EBAG9: variants seen among roughly 807,000 people sequenced by gnomAD.
EBAG9 encodes receptor-binding cancer antigen expressed on SiSo cells.
In EBAG9, 16 loss-of-function variants were observed where a neutral mutation model predicts 30.9. The observed-to-expected ratio is 0.52, with a 90% confidence interval of 0.35 to 0.79. The LOEUF (loss-of-function observed/expected upper bound fraction) is 0.79, where lower values mean the gene tolerates loss of function less well. Ranked by LOEUF, EBAG9 falls within the 30% of genes least tolerant of loss-of-function variation. EBAG9 has a pLI of 0.01. For synonymous variants in EBAG9, 93 were observed against 82.8 expected (o/e 1.12, Z -0.67); for missense variants, 197 against 242.1 (o/e 0.81, Z 1.24).
rs192416007 is a variant in EBAG9, at chr8:109,542,586, A to G, written c.-16+2125A>G. Among the ~76,000 whole-genome samples, 53 of 152,032 alleles carry G rather than the reference A, an allele frequency of 3.5e-4. 1 individual carries two copies. The highest frequency in any genetic ancestry group is 3.1e-3 in the Admixed American group (48 of 15,278). On this transcript the variant is annotated intron_variant, in intron 1 of 6. Transcript: ENST00000337573. ...GTCTCTTTTCTGGCTCTTTTTTCTTATAATTTTTCAGAAAATTTAGGCTAA... is the reference window on the plus strand; with the variant it reads ...GTCTCTTTTCTGGCTCTTTTTTCTTGTAATTTTTCAGAAAATTTAGGCTAA...
intron 2 of EBAG9, 28 bp from the exon 3 acceptor site, chr8:109,553,837 G>A (rs1821542102): frequency 1.9e-6 from 3 of 1,581,252 alleles, no homozygotes; most frequent in Non-Finnish European, 1.7e-6. Context: ...GGTGGTTCTT[G>A]AAATAAATTA....
chr8:109,564,641 T>C lies in EBAG9; in HGVS notation c.*82T>C, dbSNP rs1222179807. 3.8e-6 allele frequency: 6 copies of C among 1,563,284 alleles called. No individual in the cohort carries two copies. Among genetic ancestry groups the C allele is most frequent in the East Asian group, 4.5e-5 (2 of 44,162 alleles). On this transcript the variant is annotated 3_prime_UTR_variant, in exon 7 of 7. Coordinates refer to ENST00000337573, the MANE Select transcript of EBAG9 (RefSeq NM_004215.5). ...AACATTTGTATGGATTTAAGAGTAT[T>C]TTAAGAAGACATACTGCTTGATTTT...
intron 1 of EBAG9, among the ~76,000 whole-genome samples, chr8:109,541,340 A>G (rs984263434): frequency 1.3e-5 from 2 of 152,232 alleles, no homozygotes; most frequent in Non-Finnish European, 2.9e-5. Context: ...GGCAATGTGC[A>G]CACAATTAAA....
At chr8:109,545,703 ATGGCTG>A (rs1821371369) in intron 1 of EBAG9, among the ~76,000 whole-genome samples, 1 of 152,106 alleles carries the variant, frequency 6.6e-6, no homozygotes, top group Non-Finnish European at 1.5e-5. Context: ...TATCATTGCT[ATGGCTG>A]TAGTTTTCAA....
chr8:109,540,039 G>C (rs1339616023), upstream of EBAG9: 2 of 152,754 alleles, frequency 1.3e-5, no homozygotes, highest in East Asian at 3.8e-4. Flanking sequence ...CCGCCTAGCC[G>C]CGCACTTCCC....
At chr8:109,541,231 G>A (rs900721146) in intron 1 of EBAG9, among the ~76,000 whole-genome samples, 1 of 152,082 alleles carries the variant, frequency 6.6e-6, no homozygotes, top group African/African-American at 2.4e-5. Context: ...TATTAACATT[G>A]TTCCGTTCTA....
chr8:109,545,801 T>C (rs1018786910), intron 1 of EBAG9, among the ~76,000 whole-genome samples: 1 of 152,230 alleles, frequency 6.6e-6, no homozygotes. Flanking sequence ...ATTTAAGGAC[T>C]GAGACACTAC....
intron 6 of EBAG9, chr8:109,563,508 G>T (rs754665252): frequency 1.3e-6 from 2 of 1,596,918 alleles, no homozygotes; most frequent in Admixed American, 1.7e-5. Flanking sequence ...GTCTGGGTCA[G>T]TGGAGTTACG....
At chr8:109,555,725 CT>C (rs1248458610) in intron 4 of EBAG9, among the ~76,000 whole-genome samples, 1 of 152,104 alleles carries the variant, frequency 6.6e-6, no homozygotes, top group Non-Finnish European at 1.5e-5. Context: ...TATTTAATCC[CT>C]TTTGAATTGA....
chr8:109,560,190 G>C (rs1176176959), intron 5 of EBAG9, among the ~76,000 whole-genome samples: 1 of 152,174 alleles, frequency 6.6e-6, no homozygotes, highest in Non-Finnish European at 1.5e-5. Context: ...TGAACTTTTA[G>C]AGGTCTGGCT....
chr8:109,562,933 T>C lies in EBAG9; in HGVS notation c.522-1506T>C, dbSNP rs1225092956. ...TTTTGTATTTGGGATGCTCAGCCCTTATATTATTTCAGCTAGTAACCAGGT... is the reference window on the plus strand; with the variant it reads ...TTTTGTATTTGGGATGCTCAGCCCTCATATTATTTCAGCTAGTAACCAGGT... On this transcript the variant is annotated intron_variant, in intron 6 of 6. Coordinates refer to ENST00000337573, the MANE Select transcript of EBAG9 (RefSeq NM_004215.5). Among the ~76,000 whole-genome samples the C allele has an allele frequency of 3.9e-5, 6 of 152,044 alleles. No individual in the cohort carries two copies. The East Asian group carries it at 1.2e-3, about 29-fold the overall frequency.
intron 6 of EBAG9, 84 bp downstream of exon 6, chr8:109,561,013 T>TCAGACTACAA: frequency 8.7e-7 from 1 of 1,148,222 alleles, no homozygotes; most frequent in South Asian, 1.5e-5. Flanking sequence ...GGAGCCTATT[T>TCAGACTACAA]TGCCAAATAT....
chr8:109,563,857 C>G (rs554906300), intron 6 of EBAG9, among the ~76,000 whole-genome samples: 1 of 152,158 alleles, frequency 6.6e-6, no homozygotes, highest in South Asian at 2.1e-4. Context: ...TGATTAAATA[C>G]CCACCACTCT....
chr8:109,556,850 A>G, intron 4 of EBAG9, 85 bp from the exon 5 acceptor site: 1 of 582,252 alleles, frequency 1.7e-6, no homozygotes. Flanking sequence ...AAATATTTTA[A>G]GTAATTAGAA....
chr8:109,544,443 T>C (rs573582376), intron 1 of EBAG9, among the ~76,000 whole-genome samples: 1 of 152,354 alleles, frequency 6.6e-6, no homozygotes, highest in Admixed American at 6.5e-5. Flanking sequence ...TCTGTTTTAG[T>C]TGTGATTTTG....
At chr8:109,554,589 A>C (rs558347419) in intron 3 of EBAG9, 140 bp from the exon 4 acceptor site, 1 of 690,812 alleles carries the variant, frequency 1.4e-6, no homozygotes, top group African/African-American at 1.8e-5. Flanking sequence ...TTGATCTGTG[A>C]TATGAAATGT....
chr8:109,543,126 A>G lies in EBAG9; in HGVS notation c.-16+2665A>G, dbSNP rs1219562838. On this transcript the variant is annotated intron_variant, in intron 1 of 6. Transcript: ENST00000337573. Reference sequence around the variant, plus strand: ...AAATAACTCGAGTACAATTTTTAATATTCTGGTTCTTTTTTTTTTTTTTTT... The same window carrying G: ...AAATAACTCGAGTACAATTTTTAATGTTCTGGTTCTTTTTTTTTTTTTTTT... Among the ~76,000 whole-genome samples the G allele has an allele frequency of 7.0e-5, 5 of 71,456 alleles. No individual in the cohort carries two copies. In the East Asian group the frequency reaches 1.9e-3, roughly 27 times the overall value. The allele number at this position is 71,456 out of a possible 152,430, so 46.9% of individuals were successfully genotyped here.
At chr8:109,554,932 T>C (rs1035818868) in intron 4 of EBAG9, 45 bp downstream of exon 4, 1 of 1,557,642 alleles carries the variant, frequency 6.4e-7, no homozygotes. Flanking sequence ...ACTTTTTAGA[T>C]TCCTATAGTT....
At position 109,543,135 on chromosome 8, in the gene EBAG9, CTTTTTTTTTTTTTTTTT is replaced by C. The variant is rs557388998; in HGVS notation, c.-16+2689_-16+2705del. 2.6e-3 allele frequency among the ~76,000 whole-genome samples: 140 copies of C among 52,880 alleles called. 1 individual carries two copies. The South Asian group carries it at 0.041, about 15-fold the overall frequency. 34.7% of individuals were successfully genotyped at this position (52,880 alleles called of 152,430 possible). A position where few individuals can be genotyped will look rare whatever the true frequency, so the allele number is the denominator to read the frequency against. On this transcript the variant is annotated intron_variant, in intron 1 of 6. Transcript: ENST00000337573. The stretch of plus-strand genomic sequence containing the variant: ...GAGTACAATTTTTAATATTCTGGTT[CTTTTTTTTTTTTTTTTT>C]TTTTTTTTTTTTTTAACAGTCACTG...
Sources: gnomAD v4.1 joint callset for allele counts (sites outside exome capture counted in the v4.1 genomes callset) on GRCh38, gnomAD v4.1.1 for gene constraint, MANE v1.5 for transcripts, NCBI Gene and HGNC (gene_info 2026-07-23, HGNC 2026-07-21) for gene names.